The following PIK3C2A variants were observed in gnomAD, a reference collection of about 807,000 sequenced individuals.
PIK3C2A encodes the protein phosphatidylinositol 4-phosphate 3-kinase C2 domain-containing subunit alpha.
A neutral mutation model predicts 204.5 loss-of-function variants in PIK3C2A; 97 were observed. The observed-to-expected ratio is 0.47, with a 90% CI of 0.40 to 0.56. The LOEUF is 0.56. PIK3C2A is among the 20% of genes least tolerant of loss of function. The pLI, the probability that PIK3C2A is intolerant of heterozygous loss-of-function variation, is 0.00. For synonymous variants in PIK3C2A, 653 were observed against 664.4 expected, an observed-to-expected ratio of 0.98 and a Z score of 0.26; for missense variants, 1,735 against 1,969.2, an observed-to-expected ratio of 0.88 and a Z score of 2.25.
intron 1 of PIK3C2A, among the ~76,000 whole-genome samples, chr11:17,197,221 T>C (rs1852193223): frequency 6.6e-6 from 1 of 152,080 alleles, no homozygotes; most frequent in African/African-American, 2.4e-5. Flanking sequence ...GGTTTCACCA[T>C]GTTGCCCATG....
chr11:17,168,018 T>TA (rs889916324), intron 2 of PIK3C2A, among the ~76,000 whole-genome samples: 70 of 149,762 alleles, frequency 4.7e-4, no homozygotes, highest in African/African-American at 1.1e-3. Flanking sequence ...TATTTGCATT[T>TA]AAAAAAAAAC....
chr11:17,120,783 G>T (rs890444737), intron 15 of PIK3C2A, among the ~76,000 whole-genome samples: 2 of 151,946 alleles, frequency 1.3e-5, no homozygotes, highest in Admixed American at 1.3e-4. Context: ...TTAAAAATTA[G>T]TACATACAGC....
intron 1 of PIK3C2A, among the ~76,000 whole-genome samples, chr11:17,171,302 T>G (rs1045110701): frequency 6.6e-6 from 1 of 152,202 alleles, no homozygotes; most frequent in African/African-American, 2.4e-5. Context: ...CTAATCTGGT[T>G]TGTGATACAT....
intron 2 of PIK3C2A, among the ~76,000 whole-genome samples, chr11:17,165,782 G>GAAAAAAAAAAAAAA: frequency 1.3e-5 from 1 of 78,854 alleles, no homozygotes; most frequent in Non-Finnish European, 2.3e-5. Context: ...TCAAAAAAGT[G>GAAAAAAAAAAAAAA]AAAAAAAAAA....
intron 21 of PIK3C2A, among the ~76,000 whole-genome samples, chr11:17,110,850 T>C (rs1323008132): frequency 6.6e-6 from 1 of 152,230 alleles, no homozygotes; most frequent in African/African-American, 2.4e-5. Flanking sequence ...TTCCCTGAAC[T>C]GTACACTTTA....
chr11:17,175,885 T>A (rs934227022), intron 1 of PIK3C2A, among the ~76,000 whole-genome samples: 1 of 152,128 alleles, frequency 6.6e-6, no homozygotes, highest in Non-Finnish European at 1.5e-5. Flanking sequence ...ATCTTAAAAT[T>A]TCAAGACAAC....
chr11:17,147,811 A>G (rs1565274171), intron 5 of PIK3C2A, among the ~76,000 whole-genome samples, 183 bp from the exon 6 acceptor site: 1 of 152,244 alleles, frequency 6.6e-6, no homozygotes, highest in African/African-American at 2.4e-5. Context: ...AATGTAAAAA[A>G]GAAAGAAGAT....
chr11:17,088,915 G>A lies in PIK3C2A; in HGVS notation c.*823C>T, dbSNP rs1018272332. ...ATTTATTGTACAATCACATTGGTGA[G>A]TCTTATTCAGGTATTAGGCTTAACT... On this transcript the variant is annotated 3_prime_UTR_variant, in exon 33 of 33. Transcript: ENST00000691414. 3.3e-5 allele frequency: 5 copies of A among 152,208 alleles called. No homozygotes were observed. Among genetic ancestry groups the A allele is most frequent in the African/African-American group, 1.2e-4 (5 of 41,454 alleles). 9.4% of individuals were successfully genotyped at this position (152,208 alleles called of 1,614,324 possible).
intron 25 of PIK3C2A, 132 bp downstream of exon 25, chr11:17,101,146 C>T: frequency 5.9e-6 from 3 of 506,158 alleles, no homozygotes; most frequent in Non-Finnish European, 1.0e-5. Flanking sequence ...TTTAAAATAT[C>T]TGAGCAATAA....
rs201010550 is a variant in PIK3C2A, at chr11:17,169,173, G to A, written c.569C>T (p.Pro190Leu). The change falls in exon 2 of 33, where the codon CCG becomes CTG. Residue 190 changes from proline to leucine, a missense_variant. Physicochemically the swap from Pro to Leu is moderately conservative, Grantham distance 98. Coordinates refer to ENST00000691414, the MANE Select transcript of PIK3C2A (RefSeq NM_002645.4). ...ATATGAGAAATATGGAGATTGTCCC[G>A]GAAGACTTAAATATATAGGTTCTGT... is the stretch of plus-strand genomic sequence containing the variant. ...PSTEPIYLSL[P>L]GQSPYFSYPL... 9.9e-5 allele frequency: 160 copies of A among 1,613,768 alleles called. No individual in the cohort carries two copies. Among genetic ancestry groups the A allele is most frequent in the Middle Eastern group, 1.7e-4 (1 of 6,056 alleles).
At chr11:17,100,538 C>T (rs1438883694) in intron 25 of PIK3C2A, among the ~76,000 whole-genome samples, 1 of 151,786 alleles carries the variant, frequency 6.6e-6, no homozygotes, top group African/African-American at 2.4e-5. Flanking sequence ...ACTGTTTTTA[C>T]TTTTATAGAT....
chr11:17,169,098 T>C lies in PIK3C2A; in HGVS notation c.644A>G (p.Tyr215Cys), dbSNP rs749804358. 33 of 1,614,092 alleles carry C rather than the reference T, an allele frequency of 2.0e-5. No individual in the cohort carries two copies. The highest frequency in any genetic ancestry group is 1.6e-4 in the Middle Eastern group (1 of 6,084). Residue 215 changes from tyrosine to cysteine, a missense_variant, in exon 2 of 33, where the codon TAT (tyrosine) becomes TGT (cysteine). By Grantham distance (194) the Tyr-to-Cys change is radical. Around this residue, in one of 6 missense-constraint regions of PIK3C2A, gnomAD observed 536 missense variants for 546.7 expected, o/e 0.98. Coordinates refer to ENST00000691414, the MANE Select transcript of PIK3C2A (RefSeq NM_002645.4). ...PFHPQGSLPI[Y>C]RPVVSTDMAK... ...CATGTCAGTACTGACTACTGGACGA[T>C]AGATAGGTAAGCTTCCTTGTGGATG...
intron 1 of PIK3C2A, among the ~76,000 whole-genome samples, chr11:17,199,903 C>CAA (rs35435978): frequency 4.2e-4 from 45 of 106,846 alleles, no homozygotes; most frequent in African/African-American, 1.4e-3. Flanking sequence ...GCCTCCATCT[C>CAA]AAAAAAAAAA....
In PIK3C2A at chr11:17,169,774, AT is replaced by A. The variant is rs767737685; in HGVS notation, c.-34del. 1.2e-5 allele frequency: 18 copies of A among 1,480,034 alleles called. No individual in the cohort carries two copies. Among genetic ancestry groups the A allele is most frequent in the Non-Finnish European group, 1.6e-5 (18 of 1,104,760 alleles). The allele number at this position is 1,480,034 out of a possible 1,614,324, so 91.7% of individuals were successfully genotyped here. A position where few individuals can be genotyped will look rare whatever the true frequency, so the allele number is the denominator to read the frequency against. ...AAAAAGACCAAACCTTCCTTCCTCT[AT>A]TTTTTTCTTGTAGCTTCCAAAATAG... On this transcript the variant is annotated 5_prime_UTR_variant, in exon 2 of 33. Transcript: ENST00000691414.
intron 8 of PIK3C2A, among the ~76,000 whole-genome samples, chr11:17,139,214 A>G (rs547969398): frequency 1.3e-5 from 2 of 150,026 alleles, no homozygotes; most frequent in African/African-American, 4.9e-5. Context: ...CGCCCGGCCT[A>G]ATGATTCTTT....
rs865966494 is a variant in PIK3C2A, at chr11:17,169,467, A to G, written c.275T>C (p.Val92Ala). The change falls in exon 2 of 33, where the codon GTA becomes GCA. Residue 92 changes from valine to alanine, a missense_variant. Val to Ala is a moderately conservative substitution (Grantham distance 64, BLOSUM62 0). Around this residue, in one of 6 missense-constraint regions of PIK3C2A, gnomAD observed 536 missense variants for 546.7 expected, o/e 0.98. Transcript: ENST00000691414. ...AAGTTCAGCTTGGGTGAGCTTTTCT[A>G]CATCAATATCTAATGCTCTTTTTTG... ...DSQKRALDID[V>A]EKLTQAELEK... 1 of 1,614,136 alleles carries G rather than the reference A, an allele frequency of 6.2e-7. No individual in the cohort carries two copies. Among genetic ancestry groups the G allele is most frequent in the Non-Finnish European group, 8.5e-7 (1 of 1,179,994 alleles).
At chr11:17,147,162 C>T (rs1200140782) in intron 6 of PIK3C2A, among the ~76,000 whole-genome samples, 1 of 152,094 alleles carries the variant, frequency 6.6e-6, no homozygotes, top group African/African-American at 2.4e-5. Context: ...GTACAAAGGT[C>T]AGTGTGGATT....
At chr11:17,179,891 T>A (rs894649966) in intron 1 of PIK3C2A, among the ~76,000 whole-genome samples, 2 of 152,182 alleles carry the variant, frequency 1.3e-5, no homozygotes, top group Non-Finnish European at 2.9e-5. Context: ...GATTACAGTG[T>A]GAACCATTGT....
At position 17,092,064 on chromosome 11, in the gene PIK3C2A, T is replaced by C; in HGVS notation, c.4574A>G (p.Asp1525Gly). The C allele has an allele frequency of 6.2e-7, 1 of 1,605,308 alleles. No homozygotes were observed. The highest frequency in any genetic ancestry group is 2.2e-5 in the East Asian group (1 of 44,796). The change falls in exon 30 of 33, where the codon GAT becomes GGT. Residue 1525 changes from aspartate (D) to glycine (G), a missense_variant. Coordinates refer to ENST00000691414, the MANE Select transcript of PIK3C2A (RefSeq NM_002645.4). ...MNASTDVAEC[D>G]LVCTFFHPLL... is the part of the protein sequence containing the mutation. ...AGGGTGGAAGAAAGTACAAACAAGA[T>C]CACACTAAGAATAAAGAGAAAGCAA...
Sources: allele counts gnomAD v4.1 joint callset (sites outside exome capture counted in the v4.1 genomes callset), GRCh38; gene constraint gnomAD v4.1.1; regional missense constraint gnomAD v4.1.1; transcripts MANE v1.5; gene names NCBI Gene and HGNC (gene_info 2026-07-23, HGNC 2026-07-21).